The following UBAP2L variants were observed in gnomAD, a reference collection of about 807,000 sequenced individuals.
UBAP2L encodes ubiquitin associated protein 2 like.
UBAP2L carries 12 observed loss-of-function variants against 130.6 expected under a neutral mutation model. The ratio of observed to expected loss-of-function variants is 0.09; its 90% confidence interval spans 0.06 to 0.15. The LOEUF is 0.15. UBAP2L is among the 10% of genes least tolerant of loss of function. UBAP2L has a pLI of 1.00. For missense variants in UBAP2L, 965 were observed against 1,332.5 expected, an observed-to-expected ratio of 0.72 and a Z score of 4.29; for synonymous variants, 503 against 524.7, an observed-to-expected ratio of 0.96 and a Z score of 0.57.
intron 21 of UBAP2L, among the ~76,000 whole-genome samples, chr1:154,259,561 C>T (rs1014670056): frequency 2.0e-5 from 3 of 151,946 alleles, no homozygotes; most frequent in Non-Finnish European, 4.4e-5. Context: ...TTCTATAGCC[C>T]AGTAAAGTAC....
At chr1:154,236,540 T>G in intron 6 of UBAP2L, 26 bp from the exon 7 acceptor site, 2 of 1,613,786 alleles carry the variant, frequency 1.2e-6, no homozygotes, top group Non-Finnish European at 1.7e-6. Context: ...TACATCTCTC[T>G]TCTCTTTTTC....
chr1:154,229,716 G>T (rs1225293596), intron 4 of UBAP2L, among the ~76,000 whole-genome samples: 1 of 152,050 alleles, frequency 6.6e-6, no homozygotes, highest in East Asian at 1.9e-4. Context: ...TGCCCGCCTC[G>T]TCCTCCCAAA....
chr1:154,268,815 C>T lies in UBAP2L; in HGVS notation c.3029C>T (p.Pro1010Leu). Residue 1010 changes from proline (P) to leucine (L), a missense_variant, in exon 26 of 27, where the codon CCT (proline) becomes CTT (leucine). This residue lies in a region of UBAP2L where 194 missense variants were observed against 334.0 expected (regional missense o/e 0.58). Transcript: ENST00000428931. ...ACTCCTGCTGCTTCCTTCAACTTGCCTTCAGCCCTAGGAAGTGGGGGCCCC... is the reference window on the plus strand; with the variant it reads ...ACTCCTGCTGCTTCCTTCAACTTGCTTTCAGCCCTAGGAAGTGGGGGCCCC... ...SGTPAASFNLPSALGSGGPIN... is the reference protein window; with the variant it reads ...SGTPAASFNLLSALGSGGPIN... The T allele has an allele frequency of 1.9e-6, 3 of 1,614,092 alleles. No homozygotes were observed. The highest frequency in any genetic ancestry group is 2.5e-6 in the Non-Finnish European group (3 of 1,180,028).
chr1:154,251,628 A>G lies in UBAP2L; in HGVS notation c.1639A>G (p.Ser547Gly), dbSNP rs907572049. Residue 547 changes from serine (S) to glycine (G), a missense_variant, in exon 14 of 27, where the codon AGT becomes GGT. Ser to Gly is a moderately conservative substitution (Grantham distance 56). Coordinates refer to ENST00000428931, the MANE Select transcript of UBAP2L (RefSeq NM_014847.4). ...GAGCGCCTCTTCAAGCCAGGCTCCA[A>G]GTAGCCTGTATACCAGCACGGCCAG... Reference protein sequence around the residue: ...TTSASSSQAPSSLYTSTASES... With the variant: ...TTSASSSQAPGSLYTSTASES... 1 of 1,614,112 alleles carries G rather than the reference A, an allele frequency of 6.2e-7. No homozygotes were observed. Among genetic ancestry groups the G allele is most frequent in the South Asian group, 1.1e-5 (1 of 91,070 alleles).
At chr1:154,263,208 T>G in intron 24 of UBAP2L, 1 of 1,548,932 alleles carries the variant, frequency 6.5e-7, no homozygotes, top group Non-Finnish European at 8.7e-7. Flanking sequence ...TGCACTGAAG[T>G]CTTGTTTCAG....
At chr1:154,244,968 G>T (rs886145196) in intron 10 of UBAP2L, among the ~76,000 whole-genome samples, 1 of 137,692 alleles carries the variant, frequency 7.3e-6, no homozygotes, top group South Asian at 2.1e-4. Context: ...GTCTCACTCT[G>T]TTGCCCAGGC....
At chr1:154,239,129 A>T (rs746584807) in intron 8 of UBAP2L, among the ~76,000 whole-genome samples, 6 of 150,108 alleles carry the variant, frequency 4.0e-5, no homozygotes, top group Admixed American at 1.3e-4. Context: ...CCTTTAAATT[A>T]AAAAAAAAAT....
intron 7 of UBAP2L, 107 bp from the exon 8 acceptor site, chr1:154,236,917 A>G (rs1289662135): frequency 5.9e-6 from 5 of 842,052 alleles, no homozygotes; most frequent in Admixed American, 2.4e-5. Context: ...GAATGGGGCC[A>G]TGACAGATTT....
chr1:154,251,455 CT>C, intron 13 of UBAP2L, 25 bp from the exon 14 acceptor site: 1 of 1,608,422 alleles, frequency 6.2e-7, no homozygotes, highest in African/African-American at 1.3e-5. Context: ...AAAGCCATTA[CT>C]TTCTCTTCTC....
intron 6 of UBAP2L, 121 bp downstream of exon 6, chr1:154,235,412 GCA>G (rs1671309193): frequency 3.3e-6 from 2 of 597,076 alleles, no homozygotes; most frequent in Non-Finnish European, 6.0e-6. Context: ...GAGTGCAGTG[GCA>G]CAGTCATAGC....
In UBAP2L at chr1:154,225,205, C is replaced by T. The variant is rs146272330; in HGVS notation, c.82C>T (p.Arg28Trp). 17 of 1,613,856 alleles carry T rather than the reference C, an allele frequency of 1.1e-5. No homozygotes were observed. The highest frequency in any genetic ancestry group is 1.6e-4 in the Middle Eastern group (1 of 6,082). ...QNQNQTQHKQ[R>W]PQATAEQIRL... ...CCAAAACCAGACACAGCACAAGCAG[C>T]GGCCACAGGTAAATAATCCAAGGCA... is the stretch of plus-strand genomic sequence containing the variant. The change falls in exon 2 of 27, where the codon CGG becomes TGG. Residue 28 changes from arginine to tryptophan, a missense_variant. Physicochemically the swap from Arg to Trp is moderately radical, Grantham distance 101. Coordinates refer to ENST00000428931, the MANE Select transcript of UBAP2L (RefSeq NM_014847.4).
At chr1:154,244,618 A>G (rs536896194) in intron 10 of UBAP2L, among the ~76,000 whole-genome samples, 108 of 152,130 alleles carry the variant, frequency 7.1e-4, no homozygotes, top group Middle Eastern at 6.8e-3. Context: ...TCAGCCTCCC[A>G]AAGTGCTGGG....
intron 4 of UBAP2L, among the ~76,000 whole-genome samples, chr1:154,233,683 A>C (rs1310901586): frequency 1.4e-5 from 2 of 142,890 alleles, no homozygotes; most frequent in Non-Finnish European, 3.0e-5. Context: ...GTGTGTCTGT[A>C]GGTAGGTAGC....
intron 2 of UBAP2L, 23 bp from the exon 3 acceptor site, chr1:154,227,259 C>T (rs1177360909): frequency 1.9e-6 from 3 of 1,605,698 alleles, no homozygotes; most frequent in Admixed American, 3.3e-5. Context: ...ATTATGCTTT[C>T]TTGATCTCAT....
At chr1:154,250,926 C>G in intron 12 of UBAP2L, 115 bp from the exon 13 acceptor site, 1 of 1,085,780 alleles carries the variant, frequency 9.2e-7, no homozygotes, top group South Asian at 1.6e-5. Context: ...AGAGGGCCTG[C>G]TTATATGAGT....
chr1:154,237,108 T>A lies in UBAP2L; in HGVS notation c.675T>A (p.Thr225=). ...GNSSGNTWNN[T]GHFEPDDGTS... ...GCAGCGGCAATACGTGGAACAACAC[T>A]GGCCACTTTGAACCAGATGATGGGA... The change falls in exon 8 of 27, where the codon ACT becomes ACA. Residue 225 remains threonine, a synonymous_variant. Coordinates refer to ENST00000428931, the MANE Select transcript of UBAP2L (RefSeq NM_014847.4). The A allele has an allele frequency of 1.9e-6, 3 of 1,614,146 alleles. No individual in the cohort carries two copies. The highest frequency in any genetic ancestry group is 4.5e-5 in the East Asian group (2 of 44,872).
intron 10 of UBAP2L, among the ~76,000 whole-genome samples, chr1:154,245,579 T>C (rs976299798): frequency 1.3e-5 from 2 of 152,168 alleles, no homozygotes; most frequent in Non-Finnish European, 2.9e-5. Flanking sequence ...GATAAGTACT[T>C]GTAAGTTTTG....
intron 4 of UBAP2L, among the ~76,000 whole-genome samples, chr1:154,234,232 G>T (rs993765335): frequency 1.3e-5 from 2 of 151,964 alleles, no homozygotes; most frequent in South Asian, 2.1e-4. Context: ...GCATGGTGTC[G>T]CGTGCCTGTA....
intron 7 of UBAP2L, 149 bp from the exon 8 acceptor site, chr1:154,236,875 G>A (rs1671860186): frequency 2.9e-6 from 2 of 689,494 alleles, no homozygotes; most frequent in African/African-American, 1.8e-5. Flanking sequence ...AGAGTGATAA[G>A]TGAGAAAAAG....
Sources: allele counts gnomAD v4.1 joint callset (sites outside exome capture counted in the v4.1 genomes callset), GRCh38; gene constraint gnomAD v4.1.1; regional missense constraint gnomAD v4.1.1; transcripts MANE v1.5; gene names NCBI Gene and HGNC (gene_info 2026-07-23, HGNC 2026-07-21).